DNMT3B: variants seen among roughly 807,000 people sequenced by gnomAD.
DNMT3B encodes the protein DNA (cytosine-5)-methyltransferase 3B.
A neutral mutation model predicts 120.2 loss-of-function variants in DNMT3B; 37 were observed. That is an observed-to-expected ratio of 0.31 (90% CI 0.24 to 0.40). The LOEUF (loss-of-function observed/expected upper bound fraction) is 0.40. Among genes scored for constraint, DNMT3B ranks in the 10% least tolerant of loss-of-function variants. DNMT3B has a pLI of 1.00. For missense variants in DNMT3B, 878 were observed against 1,137.3 expected, an observed-to-expected ratio of 0.77 and a Z score of 3.28; for synonymous variants, 412 against 442.8, an observed-to-expected ratio of 0.93 and a Z score of 0.87.
At chr20:32,801,249 C>T in intron 18 of DNMT3B, 29 bp from the exon 19 acceptor site, 1 of 1,614,094 alleles carries the variant, frequency 6.2e-7, no homozygotes. Flanking sequence ...TTCAAATGAA[C>T]CCTGCGCTGT....
chr20:32,779,954 A>T (rs1449253411), intron 1 of DNMT3B: 18 of 892,112 alleles, frequency 2.0e-5, no homozygotes, highest in Non-Finnish European at 3.0e-5. Flanking sequence ...GCCAGAGGGG[A>T]CAGAGGCTGG....
At position 32,806,246 on chromosome 20, in the gene DNMT3B, C is replaced by G; in HGVS notation, c.2339C>G (p.Ser780Trp). 6.2e-7 allele frequency: 1 copy of G among 1,614,130 alleles called. No homozygotes were observed. Among genetic ancestry groups the G allele is most frequent in the Non-Finnish European group, 8.5e-7 (1 of 1,180,038 alleles). The stretch of plus-strand genomic sequence containing the variant: ...CAGACAATAACCACCAAGTCGAACT[C>G]GATCAAACAGGGGAAAAACCAACTT... ...KVQTITTKSN[S>W]IKQGKNQLFP... The change falls in exon 22 of 23, where the codon TCG becomes TGG. Residue 780 changes from serine to tryptophan, a missense_variant. By Grantham distance (177) the Ser-to-Trp change is radical. Around this residue, in one of 4 missense-constraint regions of DNMT3B, gnomAD observed 334 missense variants for 518.8 expected, o/e 0.64. Transcript: ENST00000328111.
At chr20:32,798,358 G>T (rs1027049277) in intron 14 of DNMT3B, 102 bp from the exon 15 acceptor site, 1 of 1,477,470 alleles carries the variant, frequency 6.8e-7, no homozygotes, top group African/African-American at 1.4e-5. Flanking sequence ...TCCTAGGTAA[G>T]CTTTCAGGAG....
At chr20:32,807,678 G>C in intron 22 of DNMT3B, 84 bp from the exon 23 acceptor site, 1 of 1,601,380 alleles carries the variant, frequency 6.2e-7, no homozygotes, top group Non-Finnish European at 8.5e-7. Flanking sequence ...GGCGAGGGCA[G>C]AAAGAGTGGG....
At position 32,807,756 on chromosome 20, in the gene DNMT3B, C is replaced by G. The variant is rs1415062191; in HGVS notation, c.2421-6C>G. The G allele has an allele frequency of 1.9e-6, 3 of 1,613,998 alleles. No homozygotes were observed. Among genetic ancestry groups the G allele is most frequent in the Non-Finnish European group, 2.5e-6 (3 of 1,180,018 alleles). ...ACTTGCTGTCTTTTCACTCCGGTACCCCCAGGATCTTTGGCTTTCCTGTGC... is the reference window on the plus strand; with the variant it reads ...ACTTGCTGTCTTTTCACTCCGGTACGCCCAGGATCTTTGGCTTTCCTGTGC... On this transcript the variant is annotated splice_polypyrimidine_tract_variant and splice_region_variant and intron_variant, in intron 22 of 22. Transcript: ENST00000328111.
In DNMT3B at chr20:32,809,053, G is replaced by GC. The variant is rs1982248319; in HGVS notation, c.*1151dup. 1 of 216,278 alleles carries GC rather than the reference G, an allele frequency of 4.6e-6. No homozygotes were observed. 13.4% of individuals were successfully genotyped at this position (216,278 alleles called of 1,614,324 possible). On this transcript the variant is annotated 3_prime_UTR_variant, in exon 23 of 23. Transcript: ENST00000328111. ...GGGAGAACGGGAATTCAGACAAGCT[G>GC]CATTTCAGAAATGCTGTCATAATGG...
rs1160640416 is a variant in DNMT3B, at chr20:32,766,556, G to A, written c.-7+3857G>A. Among the ~76,000 whole-genome samples the A allele has an allele frequency of 2.0e-5, 3 of 152,054 alleles. No homozygotes were observed. The East Asian group carries it at 5.8e-4, about 29-fold the overall frequency. ...TTTTTTCATTCATTCAAACAAAATAGCATAGGTATGACCTCTGCTCTAGTT... is the reference window on the plus strand; with the variant it reads ...TTTTTTCATTCATTCAAACAAAATAACATAGGTATGACCTCTGCTCTAGTT... On this transcript the variant is annotated intron_variant, in intron 1 of 22. Coordinates refer to ENST00000328111, the MANE Select transcript of DNMT3B (RefSeq NM_006892.4).
chr20:32,767,185 C>T (rs534330749), intron 1 of DNMT3B, among the ~76,000 whole-genome samples: 7 of 152,208 alleles, frequency 4.6e-5, no homozygotes, highest in South Asian at 2.1e-4. Context: ...CGTGAGCCAC[C>T]GTGCCTGGCC....
At chr20:32,792,908 G>A in intron 9 of DNMT3B, 138 bp downstream of exon 9, 1 of 1,339,352 alleles carries the variant, frequency 7.5e-7, no homozygotes, top group Admixed American at 2.0e-5. Flanking sequence ...TGGAAAAATA[G>A]GAGCAGGCAT....
intron 1 of DNMT3B, among the ~76,000 whole-genome samples, chr20:32,767,018 G>A (rs1468144118): frequency 1.3e-5 from 2 of 152,066 alleles, no homozygotes; most frequent in Admixed American, 6.5e-5. Context: ...AGCCTCCTGA[G>A]TACCTGGGAC....
In DNMT3B at chr20:32,788,928, G is replaced by A. The variant is rs146869906; in HGVS notation, c.729G>A (p.Val243=). ...GCTTCTCCTGGTGGCCCGCCATGGT[G>A]GTGTCTTGGAAGGCCACCTCCAAGC... ...IKGFSWWPAM[V]VSWKATSKRQ... is the part of the protein sequence containing the mutation. The change falls in exon 7 of 23, where the codon GTG becomes GTA. Residue 243 remains valine, a synonymous_variant. Transcript: ENST00000328111. The A allele has an allele frequency of 1.9e-6, 3 of 1,613,984 alleles. No individual in the cohort carries two copies. Among genetic ancestry groups the A allele is most frequent in the Non-Finnish European group, 2.5e-6 (3 of 1,179,992 alleles).
chr20:32,779,463 G>A (rs1007123750), intron 1 of DNMT3B, among the ~76,000 whole-genome samples: 4 of 152,238 alleles, frequency 2.6e-5, no homozygotes, highest in African/African-American at 9.6e-5. Flanking sequence ...TGCCCATAAT[G>A]TTGCAGGCAA....
intron 4 of DNMT3B, among the ~76,000 whole-genome samples, chr20:32,785,753 T>C (rs1979191947): frequency 6.6e-6 from 1 of 152,240 alleles, no homozygotes; most frequent in Non-Finnish European, 1.5e-5. Flanking sequence ...ACAATGAACA[T>C]GGAGCCTAAG....
chr20:32,775,091 C>T (rs1276773645), intron 1 of DNMT3B, among the ~76,000 whole-genome samples: 2 of 152,144 alleles, frequency 1.3e-5, no homozygotes, highest in Admixed American at 6.5e-5. Context: ...CTCCTGACCT[C>T]GGGTGGTCCA....
At position 32,798,547 on chromosome 20, in the gene DNMT3B, G is replaced by A. The variant is rs1237892253; in HGVS notation, c.1578G>A (p.Met526Ile). ...TTCAGGAGCCCTGGAGCTGTTACAT[G>A]TGTCTCCCGCAGCGCTGTCATGGCG... ...AKLQEPWSCY[M>I]CLPQRCHGVL... The change falls in exon 15 of 23, where the codon ATG (methionine) becomes ATA (isoleucine). Residue 526 changes from methionine to isoleucine, a missense_variant. Met to Ile is a conservative substitution (Grantham distance 10). Transcript: ENST00000328111. 1.9e-6 allele frequency: 3 copies of A among 1,614,236 alleles called. No homozygotes were observed. The highest frequency in any genetic ancestry group is 2.5e-6 in the Non-Finnish European group (3 of 1,180,048).
intron 3 of DNMT3B, among the ~76,000 whole-genome samples, chr20:32,782,338 A>G (rs890794999): frequency 2.6e-5 from 4 of 152,264 alleles, no homozygotes; most frequent in African/African-American, 9.6e-5. Flanking sequence ...GGATGGTTAC[A>G]TAGATTCAAG....
At chr20:32,780,179 G>A (rs1487042457) in intron 1 of DNMT3B, 139 bp from the exon 2 acceptor site, 1 of 1,613,052 alleles carries the variant, frequency 6.2e-7, no homozygotes, top group African/African-American at 1.3e-5. Context: ...AGCCTGGGTG[G>A]GGTACTTGGG....
intron 19 of DNMT3B, 49 bp from the exon 20 acceptor site, chr20:32,802,336 T>C (rs1045565615): frequency 1.3e-6 from 2 of 1,597,924 alleles, no homozygotes; most frequent in Non-Finnish European, 1.7e-6. Flanking sequence ...TGGTTGACAC[T>C]GAAACTCTAA....
At chr20:32,766,335 C>T (rs780104050) in intron 1 of DNMT3B, among the ~76,000 whole-genome samples, 5 of 151,744 alleles carry the variant, frequency 3.3e-5, no homozygotes, top group Non-Finnish European at 5.9e-5. Flanking sequence ...AGACCGAGAC[C>T]CTGTCTCTAT....
Sources: allele counts gnomAD v4.1 joint callset (sites outside exome capture counted in the v4.1 genomes callset), GRCh38; gene constraint gnomAD v4.1.1; regional missense constraint gnomAD v4.1.1; transcripts MANE v1.5; gene names NCBI Gene and HGNC (gene_info 2026-07-23, HGNC 2026-07-21).